Variants in SLC9A3 observed in about 807,000 individuals in gnomAD.
The protein encoded by SLC9A3 is sodium/hydrogen exchanger 3.
A neutral mutation model predicts 86.8 loss-of-function variants in SLC9A3; 37 were observed. The observed-to-expected ratio is 0.43, with a 90% CI of 0.33 to 0.56. The LOEUF is 0.56. Ranked by LOEUF, SLC9A3 falls within the 20% of genes least tolerant of loss-of-function variation. The pLI, the probability that SLC9A3 is intolerant of heterozygous loss-of-function variation, is 0.06. For synonymous variants in SLC9A3, 581 were observed against 528.3 expected, an observed-to-expected ratio of 1.10 and a Z score of -1.37; for missense variants, 1,011 against 1,171.9, an observed-to-expected ratio of 0.86 and a Z score of 2.00.
rs1739739618 is a variant in SLC9A3 at position 491,527 on chromosome 5, C to T, written c.514+242G>A. 6.6e-6 allele frequency among the ~76,000 whole-genome samples: 1 copy of T among 151,920 alleles called. No homozygotes were observed. The highest frequency in any genetic ancestry group is 2.1e-4 in the South Asian group (1 of 4,820). ...AGCGGCAGCCCCTGGCCACCTGCAG[C>T]CCCCAAGCCGAGCTGCCGAGATGGG... On this transcript the variant is annotated intron_variant, in intron 2 of 16. Coordinates refer to ENST00000264938, the MANE Select transcript of SLC9A3 (RefSeq NM_004174.4). The surrounding 1 kb of genome is among the most constrained non-coding windows in gnomAD (Gnocchi z 9.2).
In SLC9A3 at chr5:476,018, A is replaced by T. The variant is rs2126604483; in HGVS notation, c.2140+2T>A. 6.2e-7 allele frequency: 1 copy of T among 1,609,586 alleles called. No individual in the cohort carries two copies. The highest frequency in any genetic ancestry group is 2.2e-5 in the East Asian group (1 of 44,798). On this transcript the variant is annotated splice_donor_variant, in intron 14 of 16. Transcript: ENST00000264938. LOFTEE classifies it high-confidence loss of function. The stretch of plus-strand genomic sequence containing the variant: ...AGCGTTCCTGCAGGGCCCCCAGCGC[A>T]CCTTTCTCCTTGATGGTGAAATTCT...
Position 489,484 on chromosome 5 carries a change from G to A in SLC9A3, c.515-1008C>T, listed in dbSNP as rs557929383. On this transcript the variant is annotated intron_variant, in intron 2 of 16. Coordinates refer to ENST00000264938, the MANE Select transcript of SLC9A3 (RefSeq NM_004174.4). ...ACAGCAGAGAGCAGCCTGGCCAGGG[G>A]TTTCTGTGCTGGCGCCTGGGAGGGG... 6.6e-5 allele frequency among the ~76,000 whole-genome samples: 10 copies of A among 152,284 alleles called. No individual in the cohort carries two copies. In the East Asian group the frequency reaches 1.4e-3, roughly 21 times the overall value.
rs1355232424 is a variant in SLC9A3 at position 475,455 on chromosome 5, C to T, written c.2251+106G>A. ...AGGGCCCTTGAGAACCCACAGGAGA[C>T]CCCACCCCCCCAGGTCCCAGTGCCC... On this transcript the variant is annotated intron_variant, in intron 15 of 16. Transcript: ENST00000264938. The T allele has an allele frequency of 7.0e-6, 5 of 713,330 alleles. No homozygotes were observed. The East Asian group carries it at 8.1e-5, about 12-fold the overall frequency. 44.2% of individuals were successfully genotyped at this position (713,330 alleles called of 1,614,324 possible).
chr5:498,802 G>T (rs138139869), intron 1 of SLC9A3, among the ~76,000 whole-genome samples: 1 of 152,234 alleles, frequency 6.6e-6, no homozygotes, highest in Non-Finnish European at 1.5e-5. Flanking sequence ...GGCCTCGGCT[G>T]CCTCTCCTGG....
In SLC9A3 at chr5:480,006, C is replaced by T. The variant is rs201095264; in HGVS notation, c.1518-41G>A. The T allele has an allele frequency of 2.3e-4, 367 of 1,594,076 alleles. 2 individuals are homozygous for T. In the East Asian group the frequency reaches 7.3e-3, roughly 32 times the overall value. The stretch of plus-strand genomic sequence containing the variant: ...TTGGGTGTGAGCCTCAGGTGACAGG[C>T]GCCCTAGAGCCCGCCGGACGCGTGG... On this transcript the variant is annotated intron_variant, in intron 9 of 16. Transcript: ENST00000264938.
intron 10 of SLC9A3, chr5:479,470 C>T: frequency 7.8e-6 from 2 of 256,012 alleles, no homozygotes; most frequent in South Asian, 4.0e-5. Context: ...TGCGTGTGCA[C>T]CTGTGGGCAC....
rs538496083 is a variant in SLC9A3 at position 499,707 on chromosome 5, G to A, written c.212-7636C>T. 3.6e-4 allele frequency among the ~76,000 whole-genome samples: 55 copies of A among 152,326 alleles called. 1 individual carries two copies. The highest frequency in any genetic ancestry group is 1.2e-3 in the African/African-American group (51 of 41,572). The stretch of plus-strand genomic sequence containing the variant: ...AGTCACTCCTGCTCCCTGGGGACAC[G>A]TGGGCCCTCGAGGCTCTAGAACGGG... On this transcript the variant is annotated intron_variant, in intron 1 of 16. Transcript: ENST00000264938.
At position 517,804 on chromosome 5, in the gene SLC9A3, C is replaced by T. The variant is rs375088472; in HGVS notation, c.211+6308G>A. 2.2e-3 allele frequency among the ~76,000 whole-genome samples: 269 copies of T among 121,208 alleles called. 1 individual carries two copies. The highest frequency in any genetic ancestry group is 7.1e-3 in the African/African-American group (264 of 36,958). The allele number at this position is 121,208 out of a possible 152,430, so 79.5% of individuals were successfully genotyped here. A position where few individuals can be genotyped will look rare whatever the true frequency, so the allele number is the denominator to read the frequency against. On this transcript the variant is annotated intron_variant, in intron 1 of 16. Transcript: ENST00000264938. Reference sequence around the variant, plus strand: ...TCGTCCATTCACCGAAACCATCCATCCATCCAAACCATCCATCCATCCATC... The same window carrying T: ...TCGTCCATTCACCGAAACCATCCATTCATCCAAACCATCCATCCATCCATC...
At chr5:490,568 G>C (rs181297567) in intron 2 of SLC9A3, among the ~76,000 whole-genome samples, 108 of 152,306 alleles carry the variant, frequency 7.1e-4, no homozygotes, top group African/African-American at 2.4e-3. Context: ...CGGCCCTGAC[G>C]GCCAGACTGA....
chr5:481,326 GCA>G (rs1739149572), intron 9 of SLC9A3, among the ~76,000 whole-genome samples: 2 of 152,220 alleles, frequency 1.3e-5, no homozygotes, highest in Admixed American at 1.3e-4. Context: ...CCTGGAAGGA[GCA>G]CAGAGAATTC....
At position 475,212 on chromosome 5, in the gene SLC9A3, C is replaced by T. The variant is rs1738642246; in HGVS notation, c.2252-80G>A. The T allele has an allele frequency of 4.8e-6, 7 of 1,449,158 alleles. 1 individual carries two copies. The African/African-American group carries it at 8.5e-5, about 18-fold the overall frequency. The allele number at this position is 1,449,158 out of a possible 1,614,324, so 89.8% of individuals were successfully genotyped here. ...GAGACCTCGCCGGGGCCGTCACCTG[C>T]TGGGTGCCTTGGAAAGTTAGGGTCA... On this transcript the variant is annotated intron_variant, in intron 15 of 16. Coordinates refer to ENST00000264938, the MANE Select transcript of SLC9A3 (RefSeq NM_004174.4).
chr5:474,699 A>C (rs140783804), intron 16 of SLC9A3, among the ~76,000 whole-genome samples, 184 bp downstream of exon 16: 1,075 of 11,654 alleles, frequency 0.092, 350 homozygotes, highest in Middle Eastern at 0.19. Flanking sequence ...GGGGAGAGAG[A>C]GAGCGAGCCA....
intron 1 of SLC9A3, among the ~76,000 whole-genome samples, chr5:519,443 C>T (rs572001904): frequency 1.3e-5 from 2 of 152,318 alleles, no homozygotes; most frequent in South Asian, 2.1e-4. Flanking sequence ...AACCATTCAC[C>T]CCAGGAGGTG....
At chr5:494,640 C>A (rs924739322) in intron 1 of SLC9A3, among the ~76,000 whole-genome samples, 18 of 152,312 alleles carry the variant, frequency 1.2e-4, no homozygotes, top group African/African-American at 4.3e-4. Flanking sequence ...CTGTAAATCC[C>A]CGCCTTGGTG....
At chr5:512,817 G>A (rs759554260) in intron 1 of SLC9A3, among the ~76,000 whole-genome samples, 1 of 152,244 alleles carries the variant, frequency 6.6e-6, no homozygotes, top group African/African-American at 2.4e-5. Flanking sequence ...GAGTCCTGGC[G>A]GAGCCCAGGC....
At chr5:478,456 TGG>T (rs33925304) in intron 10 of SLC9A3, 1 of 112,528 alleles carries the variant, frequency 8.9e-6, no homozygotes, top group East Asian at 2.4e-4. Context: ...TGCCGTGGGG[TGG>T]GGGGGCGCAG....
chr5:479,680 G>A (rs1226592138), intron 10 of SLC9A3, 156 bp downstream of exon 10: 1 of 664,272 alleles, frequency 1.5e-6, no homozygotes, highest in African/African-American at 1.8e-5. Flanking sequence ...GGGATTCCCA[G>A]GGCATCAGAA....
At chr5:486,896 CGTGATCCAGACCG>C (rs1739502626) in intron 3 of SLC9A3, among the ~76,000 whole-genome samples, 4 of 122,372 alleles carry the variant, frequency 3.3e-5, no homozygotes, top group East Asian at 2.6e-4. Flanking sequence ...GCACTGACAC[CGTGATCCAGACCG>C]CACTGACACC....
At chr5:494,301 A>G (rs1739924817) in intron 1 of SLC9A3, among the ~76,000 whole-genome samples, 1 of 152,236 alleles carries the variant, frequency 6.6e-6, no homozygotes, top group Non-Finnish European at 1.5e-5. Context: ...TCTGGGCTCC[A>G]CGGCCTGGTC....
Sources: allele counts gnomAD v4.1 joint callset (sites outside exome capture counted in the v4.1 genomes callset), GRCh38; gene constraint gnomAD v4.1.1; non-coding constraint Gnocchi (gnomAD v3.1); transcripts MANE v1.5; gene names NCBI Gene and HGNC (gene_info 2026-07-23, HGNC 2026-07-21).